Variants in PCDHA6 observed in about 807,000 individuals in gnomAD.
PCDHA6 encodes protocadherin alpha-6.
Under a neutral mutation model 60.3 loss-of-function variants are expected in PCDHA6, and 55 were observed. That is an observed-to-expected ratio of 0.91 (90% CI 0.73 to 1.14). PCDHA6 has a LOEUF of 1.14. Ranked by LOEUF, PCDHA6 falls within the 50% of genes most tolerant of loss-of-function variation. PCDHA6 has a pLI of 0.00. For synonymous variants in PCDHA6, 652 were observed against 557.9 expected, an observed-to-expected ratio of 1.17 and a Z score of -2.38; for missense variants, 1,327 against 1,256.5, an observed-to-expected ratio of 1.06 and a Z score of -0.85.
At chr5:140,927,824 A>C in intron 1 of PCDHA6, 1 of 1,614,182 alleles carries the variant, frequency 6.2e-7, no homozygotes, top group Non-Finnish European at 8.5e-7. Context: ...GCATACATTG[A>C]GGCGAGGGAC....
At chr5:140,838,741 G>A (rs2150292053) in intron 1 of PCDHA6, among the ~76,000 whole-genome samples, 3 of 152,088 alleles carry the variant, frequency 2.0e-5, no homozygotes, top group African/African-American at 7.2e-5. Flanking sequence ...TTTGAGACCA[G>A]CTTGTGCATC....
At chr5:140,869,037 C>G (rs547872988) in intron 1 of PCDHA6, 1 of 1,528,286 alleles carries the variant, frequency 6.5e-7, no homozygotes, top group African/African-American at 1.4e-5. Context: ...AGATTTTTAA[C>G]CTGAAACTGA....
chr5:140,880,645 C>T (rs535367313), intron 1 of PCDHA6, among the ~76,000 whole-genome samples: 5 of 152,148 alleles, frequency 3.3e-5, no homozygotes, highest in Admixed American at 3.3e-4. Flanking sequence ...CACTTGAGAG[C>T]CCAACTGAGG....
chr5:140,884,604 G>A lies in PCDHA6; in HGVS notation c.2394+54119G>A. The A allele has an allele frequency of 1.2e-6, 2 of 1,614,140 alleles. 1 individual carries two copies. Among genetic ancestry groups the A allele is most frequent in the Middle Eastern group, 3.3e-4 (2 of 6,062 alleles). On this transcript the variant is annotated intron_variant, in intron 1 of 3. Coordinates refer to ENST00000529310, the MANE Select transcript of PCDHA6 (RefSeq NM_018909.4). Reference sequence around the variant, plus strand: ...GCCTTCAGTCCCAGCCTTCCTCCTTGTCTGGGTTCTGCAGAGGGAACAGGC... The same window carrying A: ...GCCTTCAGTCCCAGCCTTCCTCCTTATCTGGGTTCTGCAGAGGGAACAGGC...
At chr5:140,861,319 C>G (rs781885907) in intron 1 of PCDHA6, 29 of 220,020 alleles carry the variant, frequency 1.3e-4, no homozygotes, top group Non-Finnish European at 2.1e-4. Context: ...ACCAGTTCCA[C>G]TACACCATCC....
intron 1 of PCDHA6, chr5:140,843,947 C>G: frequency 1.8e-6 from 1 of 565,064 alleles, no homozygotes; most frequent in Non-Finnish European, 3.1e-6. Context: ...GGATGATATC[C>G]ATTTTTTACT....
At chr5:140,952,257 C>T (rs1224282193) in intron 1 of PCDHA6, among the ~76,000 whole-genome samples, 1 of 151,342 alleles carries the variant, frequency 6.6e-6, no homozygotes, top group Non-Finnish European at 1.5e-5. Flanking sequence ...GGTGGATTCC[C>T]ATTCTGGGGT....
intron 1 of PCDHA6, chr5:140,969,438 C>G: frequency 6.5e-7 from 1 of 1,546,540 alleles, no homozygotes; most frequent in African/African-American, 1.4e-5. Flanking sequence ...CAAGAGTTAT[C>G]TGGTAAACTG....
chr5:140,845,533 AT>A, intron 1 of PCDHA6, among the ~76,000 whole-genome samples: 1 of 149,618 alleles, frequency 6.7e-6, no homozygotes, highest in African/African-American at 2.4e-5. Flanking sequence ...ACTTTTCACT[AT>A]TCTAATTATG....
intron 1 of PCDHA6, chr5:140,853,156 G>A (rs2150528996): frequency 1.1e-6 from 1 of 904,258 alleles, no homozygotes; most frequent in South Asian, 5.0e-5. Context: ...TGGGATTACA[G>A]GCGTGAGCCA....
intron 1 of PCDHA6, among the ~76,000 whole-genome samples, chr5:140,950,176 T>G (rs1221821328): frequency 6.6e-6 from 1 of 151,976 alleles, no homozygotes; most frequent in Non-Finnish European, 1.5e-5. Flanking sequence ...TTTAGAGAAT[T>G]AAGAAGGAAA....
At chr5:140,986,355 T>G (rs1381730343) in intron 3 of PCDHA6, among the ~76,000 whole-genome samples, 6 of 152,154 alleles carry the variant, frequency 3.9e-5, no homozygotes, top group African/African-American at 1.4e-4. Context: ...CTTCTTCAGA[T>G]GGAGGAATGC....
At chr5:140,876,478 G>T in intron 1 of PCDHA6, 1 of 1,614,032 alleles carries the variant, frequency 6.2e-7, no homozygotes, top group Non-Finnish European at 8.5e-7. Flanking sequence ...TCACAGCATG[G>T]TCCTGGTGGA....
chr5:140,928,276 GC>G, intron 1 of PCDHA6: 1 of 1,614,172 alleles, frequency 6.2e-7, no homozygotes. Flanking sequence ...TGGCCCTGGG[GC>G]CTCTCTAGGC....
intron 1 of PCDHA6, chr5:140,863,718 G>A (rs2048134284): frequency 3.6e-6 from 1 of 274,680 alleles, no homozygotes; most frequent in South Asian, 3.9e-5. Flanking sequence ...ACTGGGGCCG[G>A]GTGCGGTAGC....
chr5:140,885,213 AT>A (rs1364699535), intron 1 of PCDHA6, among the ~76,000 whole-genome samples: 44 of 152,178 alleles, frequency 2.9e-4, no homozygotes, highest in African/African-American at 1.0e-3. Context: ...CCCATGAAAA[AT>A]ATCTTGTGAT....
intron 1 of PCDHA6, among the ~76,000 whole-genome samples, chr5:140,838,141 T>G (rs1229796880): frequency 6.7e-6 from 1 of 149,692 alleles, no homozygotes; most frequent in African/African-American, 2.5e-5. Context: ...TTTGACAGAG[T>G]TTTACTCTGT....
chr5:140,924,909 AATAAAAT>A (rs1563069072), intron 1 of PCDHA6, among the ~76,000 whole-genome samples: 5 of 66,374 alleles, frequency 7.5e-5, no homozygotes, highest in African/African-American at 2.5e-4. Context: ...AAAAAAATAA[AATAAAAT>A]AAAATAAAAT....
rs2150503431 is a variant in PCDHA6, at chr5:140,850,946, T to C, written c.2394+20461T>C. 14 of 1,504,084 alleles carry C rather than the reference T, an allele frequency of 9.3e-6. 3 individuals are homozygous for C. Among genetic ancestry groups the C allele is most frequent in the Non-Finnish European group, 1.3e-5 (14 of 1,119,924 alleles). 93.2% of individuals were successfully genotyped at this position (1,504,084 alleles called of 1,614,324 possible). A position where few individuals can be genotyped will look rare whatever the true frequency, so the allele number is the denominator to read the frequency against. ...TAATTTTTTTTCTTGAAAGATATTA[T>C]CGATTACTCCCAGGGGCCGTTCAAA... On this transcript the variant is annotated intron_variant, in intron 1 of 3. Coordinates refer to ENST00000529310, the MANE Select transcript of PCDHA6 (RefSeq NM_018909.4).
Sources: gnomAD v4.1 joint callset for allele counts (sites outside exome capture counted in the v4.1 genomes callset) on GRCh38, gnomAD v4.1.1 for gene constraint, MANE v1.5 for transcripts, NCBI Gene and HGNC (gene_info 2026-07-23, HGNC 2026-07-21) for gene names.